The following EPHA6 variants were observed in gnomAD, a reference collection of about 807,000 sequenced individuals.
EPHA6 encodes the protein ephrin type-A receptor 6.
In EPHA6, 50 loss-of-function variants were observed where a neutral mutation model predicts 112.0. The observed-to-expected ratio is 0.45, with a 90% CI of 0.36 to 0.56. The LOEUF (loss-of-function observed/expected upper bound fraction) is 0.56, where lower values mean the gene tolerates loss of function less well. Among genes scored for constraint, EPHA6 ranks in the 20% least tolerant of loss-of-function variants. EPHA6 has a pLI of 0.00. For synonymous variants in EPHA6, 529 were observed against 490.7 expected (o/e 1.08, Z -1.03); for missense variants, 1,280 against 1,417.4 (o/e 0.90, Z 1.56).
At chr3:97,578,300 GC>G (rs1350701116) in intron 11 of EPHA6, among the ~76,000 whole-genome samples, 2 of 151,906 alleles carry the variant, frequency 1.3e-5, no homozygotes, top group Admixed American at 6.6e-5. Context: ...ATACTGAACA[GC>G]TGTCTTCAGC....
intron 2 of EPHA6, among the ~76,000 whole-genome samples, chr3:96,963,325 C>T (rs1161293343): frequency 6.6e-6 from 1 of 152,034 alleles, no homozygotes; most frequent in Non-Finnish European, 1.5e-5. Flanking sequence ...CACCAATAAA[C>T]CAAAACAAAT....
chr3:97,357,263 G>A (rs1003928690), intron 5 of EPHA6, among the ~76,000 whole-genome samples: 2 of 152,172 alleles, frequency 1.3e-5, no homozygotes, highest in African/African-American at 4.8e-5. Context: ...CTGGATTGCA[G>A]TGATGTGATC....
chr3:97,171,158 G>A (rs2076689530), intron 3 of EPHA6, among the ~76,000 whole-genome samples: 1 of 152,106 alleles, frequency 6.6e-6, no homozygotes, highest in Admixed American at 6.6e-5. Context: ...AGAGATGGAC[G>A]GCATTGATTT....
chr3:97,009,000 TCTC>T (rs1464575440), intron 3 of EPHA6, among the ~76,000 whole-genome samples: 1 of 152,060 alleles, frequency 6.6e-6, no homozygotes, highest in Non-Finnish European at 1.5e-5. Flanking sequence ...ATGGGTGCCT[TCTC>T]CTTCTTTTGG....
intron 11 of EPHA6, among the ~76,000 whole-genome samples, chr3:97,584,463 T>C (rs2093469456): frequency 6.6e-6 from 1 of 152,218 alleles, no homozygotes. Flanking sequence ...CACCTTTCAG[T>C]ACAACAGAAT....
intron 12 of EPHA6, among the ~76,000 whole-genome samples, chr3:97,608,324 G>A (rs1335985945): frequency 1.3e-5 from 2 of 151,180 alleles, no homozygotes. Context: ...TCGAAGTACT[G>A]TATATTCACA....
intron 1 of EPHA6, among the ~76,000 whole-genome samples, chr3:96,834,796 A>T (rs2034300586): frequency 6.6e-6 from 1 of 151,988 alleles, no homozygotes; most frequent in Non-Finnish European, 1.5e-5. Context: ...TTAACAATGA[A>T]TTTATTGGAA....
intron 11 of EPHA6, among the ~76,000 whole-genome samples, chr3:97,587,884 G>A (rs1276462067): frequency 1.3e-5 from 2 of 152,034 alleles, no homozygotes; most frequent in African/African-American, 2.4e-5. Flanking sequence ...TTAAAGCTTT[G>A]CCCTGATTGT....
chr3:97,735,812 G>T, intron 15 of EPHA6, 113 bp from the exon 16 acceptor site: 2 of 718,920 alleles, frequency 2.8e-6, no homozygotes, highest in Non-Finnish European at 4.4e-6. Flanking sequence ...GTACTCACAA[G>T]TAGTTTTCAT....
intron 11 of EPHA6, among the ~76,000 whole-genome samples, chr3:97,553,830 G>A (rs2093064366): frequency 6.6e-6 from 1 of 152,060 alleles, no homozygotes; most frequent in Non-Finnish European, 1.5e-5. Flanking sequence ...TCATCATGTG[G>A]CATTTCCCAA....
chr3:97,526,631 T>G (rs1210857652), intron 10 of EPHA6, among the ~76,000 whole-genome samples: 1 of 151,940 alleles, frequency 6.6e-6, no homozygotes, highest in African/African-American at 2.4e-5. Context: ...TCTCTAGCAG[T>G]TCCTTGCATG....
chr3:96,857,008 A>G (rs1245811493), intron 1 of EPHA6, among the ~76,000 whole-genome samples: 1 of 152,136 alleles, frequency 6.6e-6, no homozygotes, highest in Non-Finnish European at 1.5e-5. Flanking sequence ...GAACCTGATT[A>G]TTTCACTTTG....
intron 5 of EPHA6, among the ~76,000 whole-genome samples, chr3:97,315,150 G>A (rs1361864145): frequency 6.6e-6 from 1 of 151,606 alleles, no homozygotes. Flanking sequence ...TCTTTTACTA[G>A]TGTTGTGGAT....
In EPHA6 at chr3:97,053,528, GT is replaced by G. The variant is rs1197448918; in HGVS notation, c.1114+65536del. Among the ~76,000 whole-genome samples the G allele has an allele frequency of 2.0e-5, 3 of 152,010 alleles. No individual in the cohort carries two copies. The East Asian group carries it at 5.8e-4, about 29-fold the overall frequency. Reference sequence around the variant, plus strand: ...AGAATCAAGCGATCTTTAAATCCAGGTAAACTATAGAGAGTAAGGTCCTAAG... The same window carrying G: ...AGAATCAAGCGATCTTTAAATCCAGGAAACTATAGAGAGTAAGGTCCTAAG... On this transcript the variant is annotated intron_variant, in intron 3 of 17. Coordinates refer to ENST00000389672, the MANE Select transcript of EPHA6 (RefSeq NM_001080448.3).
intron 3 of EPHA6, among the ~76,000 whole-genome samples, chr3:97,050,834 CATGAAATTATAAAATTCTATATTT>C (rs1434445276): frequency 6.6e-6 from 1 of 151,926 alleles, no homozygotes; most frequent in East Asian, 1.9e-4. Context: ...AGAAGTTTAC[CATGAAATTATAAAATTCTATATTT>C]CAGGCTGATT....
intron 13 of EPHA6, among the ~76,000 whole-genome samples, chr3:97,611,250 A>T (rs1355105411): frequency 2.0e-5 from 3 of 151,758 alleles, no homozygotes; most frequent in Non-Finnish European, 2.9e-5. Context: ...TCCTTAACTG[A>T]TCTGTATTTA....
At chr3:97,291,056 C>A (rs549574704) in intron 5 of EPHA6, among the ~76,000 whole-genome samples, 2 of 152,160 alleles carry the variant, frequency 1.3e-5, no homozygotes, top group South Asian at 4.1e-4. Flanking sequence ...TGTGCTTTGG[C>A]TGGCATGTTG....
chr3:96,857,481 T>G (rs2035763508), intron 1 of EPHA6, among the ~76,000 whole-genome samples: 1 of 152,138 alleles, frequency 6.6e-6, no homozygotes, highest in Admixed American at 6.6e-5. Flanking sequence ...CAAAAAAGAT[T>G]AATTGCCTTA....
intron 15 of EPHA6, among the ~76,000 whole-genome samples, chr3:97,732,656 G>T: frequency 6.6e-6 from 1 of 151,872 alleles, no homozygotes. Flanking sequence ...GTGTGATCTT[G>T]GGCAGGTTAA....
Sources: gnomAD v4.1 joint callset for allele counts (sites outside exome capture counted in the v4.1 genomes callset) on GRCh38, gnomAD v4.1.1 for gene constraint, MANE v1.5 for transcripts, NCBI Gene and HGNC (gene_info 2026-07-23, HGNC 2026-07-21) for gene names.